Variants in PSPC1 observed in about 807,000 individuals in gnomAD.
The protein encoded by PSPC1 is paraspeckle protein 1.
In PSPC1, 14 loss-of-function variants were observed where a neutral mutation model predicts 51.6. The observed-to-expected ratio is 0.27, with a 90% CI of 0.18 to 0.42. PSPC1 has a LOEUF of 0.42. PSPC1 is among the 10% of genes least tolerant of loss of function. PSPC1 has a pLI of 1.00. For synonymous variants in PSPC1, 193 were observed against 231.9 expected (o/e 0.83, Z 1.53); for missense variants, 406 against 701.1 (o/e 0.58, Z 4.75).
intron 7 of PSPC1, among the ~76,000 whole-genome samples, chr13:19,677,437 C>T (rs913865998): frequency 2.6e-5 from 4 of 152,074 alleles, no homozygotes; most frequent in Admixed American, 2.0e-4. Context: ...AATTAATATA[C>T]GCATTACACC....
chr13:19,724,678 C>T (rs1235844971), intron 6 of PSPC1, among the ~76,000 whole-genome samples: 1 of 152,174 alleles, frequency 6.6e-6, no homozygotes, highest in Non-Finnish European at 1.5e-5. Context: ...CATGGTGAAA[C>T]CCCATCTCTA....
intron 6 of PSPC1, among the ~76,000 whole-genome samples, chr13:19,683,137 G>A (rs1877469349): frequency 6.6e-6 from 1 of 152,002 alleles, no homozygotes; most frequent in Non-Finnish European, 1.5e-5. Flanking sequence ...AGAAACATAA[G>A]CTACTCTATA....
downstream of PSPC1, among the ~76,000 whole-genome samples, chr13:19,671,465 T>A (rs1363074312): frequency 6.6e-6 from 1 of 151,452 alleles, no homozygotes; most frequent in Admixed American, 6.6e-5. Flanking sequence ...TTAGACATAA[T>A]AATGCGGCAG....
At chr13:19,747,276 A>G (rs1337560778) in intron 4 of PSPC1, among the ~76,000 whole-genome samples, 1 of 152,214 alleles carries the variant, frequency 6.6e-6, no homozygotes. Context: ...CATTAAAAAT[A>G]TAAGGCGGAT....
chr13:19,721,906 C>T (rs2137859373), intron 6 of PSPC1, among the ~76,000 whole-genome samples: 1 of 152,258 alleles, frequency 6.6e-6, no homozygotes, highest in East Asian at 1.9e-4. Context: ...GCAGTTGTAC[C>T]TCAATGCCAC....
At chr13:19,720,789 A>C (rs1053640255) in intron 6 of PSPC1, among the ~76,000 whole-genome samples, 21 of 152,174 alleles carry the variant, frequency 1.4e-4, no homozygotes, top group African/African-American at 5.1e-4. Context: ...CATAGTGCAC[A>C]ATATAGTATA....
intron 6 of PSPC1, among the ~76,000 whole-genome samples, chr13:19,725,453 A>AT (rs1344663153): frequency 2.0e-5 from 3 of 152,164 alleles, no homozygotes; most frequent in Non-Finnish European, 4.4e-5. Flanking sequence ...ACTTTTATAG[A>AT]TTCCCTTCAA....
downstream of PSPC1, chr13:19,673,051 T>G (rs1378517544): frequency 6.8e-6 from 3 of 439,864 alleles, no homozygotes; most frequent in South Asian, 4.8e-5. Flanking sequence ...TGAGACCTTG[T>G]CTCAAAAAAA....
downstream of PSPC1, among the ~76,000 whole-genome samples, chr13:19,698,403 C>A (rs1042715594): frequency 3.3e-5 from 5 of 151,838 alleles, no homozygotes; most frequent in East Asian, 9.6e-4. Context: ...ATATAAGGTC[C>A]ACTTATATTA....
chr13:19,699,610 C>A (rs370118413), downstream of PSPC1, among the ~76,000 whole-genome samples: 14 of 152,050 alleles, frequency 9.2e-5, no homozygotes, highest in African/African-American at 3.4e-4. Context: ...AGAAATGAAT[C>A]TTCATCAGTA....
In PSPC1 at chr13:19,736,511, A is replaced by G. The variant is rs9508867; in HGVS notation, c.1052+5054T>C. Among the ~76,000 whole-genome samples, 1,389 of 151,864 alleles carry G rather than the reference A, an allele frequency of 9.1e-3. 8 individuals are homozygous for G. The highest frequency in any genetic ancestry group is 0.014 in the Middle Eastern group (4 of 294). ...ATCCTGGCTAACACAGTGAAACCCC[A>G]TCTCTACTAAAAATACAAAAAATTA... On this transcript the variant is annotated intron_variant, in intron 5 of 8. Coordinates refer to ENST00000338910, the MANE Select transcript of PSPC1 (RefSeq NM_001354909.2).
At chr13:19,736,032 G>C (rs1884745498) in intron 5 of PSPC1, among the ~76,000 whole-genome samples, 1 of 151,962 alleles carries the variant, frequency 6.6e-6, no homozygotes, top group South Asian at 2.1e-4. Context: ...GTGTTAGCTA[G>C]GATGGTCTCG....
chr13:19,755,238 A>T (rs1245473494), intron 3 of PSPC1, among the ~76,000 whole-genome samples: 3 of 151,834 alleles, frequency 2.0e-5, no homozygotes, highest in African/African-American at 7.2e-5. Context: ...CCTGTCTCAA[A>T]AAAAAAAAGA....
At chr13:19,730,968 A>AAAAAAAAAAAAAAAAAAG (rs1884020611) in intron 5 of PSPC1, among the ~76,000 whole-genome samples, 1 of 141,892 alleles carries the variant, frequency 7.0e-6, no homozygotes, top group Non-Finnish European at 1.6e-5. Context: ...AAAAAAACAA[A>AAAAAAAAAAAAAAAAAAG]AAAAAAAAAA....
At chr13:19,702,290 T>G (rs1442458830), downstream of PSPC1, among the ~76,000 whole-genome samples, 1 of 152,158 alleles carries the variant, frequency 6.6e-6, no homozygotes, top group African/African-American at 2.4e-5. Context: ...ACCTACATTC[T>G]CAAGAAATGC....
intron 3 of PSPC1, among the ~76,000 whole-genome samples, chr13:19,756,986 C>T (rs1428125540): frequency 6.6e-6 from 1 of 151,830 alleles, no homozygotes; most frequent in Non-Finnish European, 1.5e-5. Flanking sequence ...AAAAATTAGC[C>T]GGGCATGGTG....
chr13:19,759,424 T>G lies in PSPC1; in HGVS notation c.675-6A>C. On this transcript the variant is annotated splice_polypyrimidine_tract_variant and splice_region_variant and intron_variant, in intron 2 of 8. Transcript: ENST00000338910. ...CAATGACTGGACGAGGGGTCCTGGA[T>G]AGGTATAAAAGCATTCATAAAAATT... The G allele has an allele frequency of 6.2e-7, 1 of 1,609,350 alleles. No homozygotes were observed. Among genetic ancestry groups the G allele is most frequent in the Non-Finnish European group, 8.5e-7 (1 of 1,175,956 alleles).
rs542396532 is a variant in PSPC1 at position 19,766,099 on chromosome 13, G to A, written c.674+6143C>T. The stretch of plus-strand genomic sequence containing the variant: ...TTAAAAAGCAAGCCTGCAGCTGGGC[G>A]CAGTGGCTCACGCCTGTAATCCCAG... On this transcript the variant is annotated intron_variant, in intron 2 of 8. Transcript: ENST00000338910. Among the ~76,000 whole-genome samples, 14 of 152,298 alleles carry A rather than the reference G, an allele frequency of 9.2e-5. No individual in the cohort carries two copies. In the South Asian group the frequency reaches 1.9e-3, roughly 20 times the overall value.
intron 2 of PSPC1, 57 bp from the exon 3 acceptor site, chr13:19,759,475 T>C (rs1312534439): frequency 8.6e-7 from 1 of 1,167,828 alleles, no homozygotes; most frequent in Admixed American, 2.0e-5. Context: ...ATTAATACCG[T>C]CTTAAAAGAA....
Sources: gnomAD v4.1 joint callset for allele counts (sites outside exome capture counted in the v4.1 genomes callset) on GRCh38, gnomAD v4.1.1 for gene constraint, MANE v1.5 for transcripts, NCBI Gene and HGNC (gene_info 2026-07-23, HGNC 2026-07-21) for gene names.